The following CHFR variants were observed in gnomAD, a reference collection of about 807,000 sequenced individuals.
CHFR encodes the protein checkpoint with forkhead and ring finger domains.
CHFR carries 57 observed loss-of-function variants against 87.6 expected under a neutral mutation model. That is an observed-to-expected ratio of 0.65 (90% CI 0.53 to 0.81). The LOEUF is 0.81. Ranked by LOEUF, CHFR falls within the 30% of genes least tolerant of loss-of-function variation. CHFR has a pLI of 0.00. For synonymous variants in CHFR, 381 were observed against 359.2 expected (o/e 1.06, Z -0.69); for missense variants, 797 against 865.8 (o/e 0.92, Z 1.00).
At position 132,836,635 on chromosome 12, in the gene CHFR, C is replaced by G; in HGVS notation, c.*4919G>C. On this transcript the variant is annotated 3_prime_UTR_variant, in exon 18 of 18. Coordinates refer to ENST00000450056, the MANE Select transcript of CHFR (RefSeq NM_001161346.2). ...TTCAACATTCTCTCCTGAGTCCATT[C>G]CTTCCACAGACATGCACGACCAAGT... 1 of 456,096 alleles carries G rather than the reference C, an allele frequency of 2.2e-6. No individual in the cohort carries two copies. The highest frequency in any genetic ancestry group is 4.4e-6 in the Non-Finnish European group (1 of 226,802). 28.3% of individuals were successfully genotyped at this position (456,096 alleles called of 1,614,324 possible).
At chr12:132,885,248 A>C (rs1269071874) in intron 2 of CHFR, among the ~76,000 whole-genome samples, 3 of 150,740 alleles carry the variant, frequency 2.0e-5, no homozygotes, top group African/African-American at 7.3e-5. Context: ...TCTCTACTAA[A>C]AATACAAAAT....
Position 132,834,126 on chromosome 12 carries a change from T to C in CHFR, c.*7428A>G, listed in dbSNP as rs1950631546. On this transcript the variant is annotated 3_prime_UTR_variant, in exon 18 of 18. Coordinates refer to ENST00000450056, the MANE Select transcript of CHFR (RefSeq NM_001161346.2). ...GGGAGGCCATGCCATCTTCTGACAG[T>C]GGAGAGGGCAGGTCTGCCGGGCGTA... 1 of 152,206 alleles carries C rather than the reference T, an allele frequency of 6.6e-6. No individual in the cohort carries two copies. The highest frequency in any genetic ancestry group is 1.5e-5 in the Non-Finnish European group (1 of 68,138). 9.4% of individuals were successfully genotyped at this position (152,206 alleles called of 1,614,324 possible).
rs181025214 is a variant in CHFR at position 132,851,513 on chromosome 12, C to T, written c.1492+105G>A. 1.2e-5 allele frequency: 15 copies of T among 1,287,486 alleles called. No homozygotes were observed. The East Asian group carries it at 1.3e-4, about 11-fold the overall frequency. The allele number at this position is 1,287,486 out of a possible 1,614,324, so 79.8% of individuals were successfully genotyped here. ...GATCACACTGATGGAAAAAAAGAAACGGCATCCTTACTTCACAGGTTACCC... is the reference window on the plus strand; with the variant it reads ...GATCACACTGATGGAAAAAAAGAAATGGCATCCTTACTTCACAGGTTACCC... On this transcript the variant is annotated intron_variant, in intron 12 of 17. Transcript: ENST00000450056.
At chr12:132,877,444 C>G (rs567841166) in intron 3 of CHFR, 111 bp downstream of exon 3, 1 of 620,594 alleles carries the variant, frequency 1.6e-6, no homozygotes, top group African/African-American at 1.9e-5. Flanking sequence ...TGTTATCACA[C>G]TAAAGACAGC....
chr12:132,843,047 C>T lies in CHFR; in HGVS notation c.1880G>A (p.Arg627His). 2 of 1,613,386 alleles carry T rather than the reference C, an allele frequency of 1.2e-6. No individual in the cohort carries two copies. The highest frequency in any genetic ancestry group is 1.7e-6 in the Non-Finnish European group (2 of 1,179,778). ...AGCTTTCACCTGAGTGCGGCAGTTA[C>T]GGCCCCAGTAGCAGTCAGGACGGGA... ...VTSRPDCYWG[R>H]NCRTQVKAHH... Residue 627 changes from arginine (R) to histidine (H), a missense_variant, in exon 17 of 18, where the codon CGT (arginine) becomes CAT (histidine). Arg to His is a conservative substitution (Grantham distance 29). Around this residue, in one of 2 missense-constraint regions of CHFR, gnomAD observed 200 missense variants for 264.6 expected, o/e 0.76. Transcript: ENST00000450056.
Position 132,837,369 on chromosome 12 carries a change from C to T in CHFR, c.*4185G>A, listed in dbSNP as rs1002656712. 4 of 158,368 alleles carry T rather than the reference C, an allele frequency of 2.5e-5. No homozygotes were observed. Among genetic ancestry groups the T allele is most frequent in the Non-Finnish European group, 5.6e-5 (4 of 71,694 alleles). The allele number at this position is 158,368 out of a possible 1,614,324, so 9.8% of individuals were successfully genotyped here. On this transcript the variant is annotated 3_prime_UTR_variant, in exon 18 of 18. Coordinates refer to ENST00000450056, the MANE Select transcript of CHFR (RefSeq NM_001161346.2). ...AAACAAAAGCAAAATTAAAAACCAC[C>T]CTGATTTGAAGCATTTACCAATTTC... is the stretch of plus-strand genomic sequence containing the variant.
chr12:132,868,750 G>A (rs1340290969), intron 6 of CHFR, among the ~76,000 whole-genome samples: 2 of 150,544 alleles, frequency 1.3e-5, no homozygotes, highest in African/African-American at 4.9e-5. Context: ...TCCAGAGGCC[G>A]AAAGCACACG....
At position 132,851,654 on chromosome 12, in the gene CHFR, C is replaced by G; in HGVS notation, c.1456G>C (p.Glu486Gln). 1 of 1,613,048 alleles carries G rather than the reference C, an allele frequency of 6.2e-7. No homozygotes were observed. The highest frequency in any genetic ancestry group is 1.3e-5 in the African/African-American group (1 of 75,058). ...CFQPMPDRRAEREQDPRVAPQ... is the reference protein window; with the variant it reads ...CFQPMPDRRAQREQDPRVAPQ... ...GCGACACGCGGGTCCTGCTCGCGCT[C>G]CGCTCTCCGGTCGGGCATGGGCTGG... Residue 486 changes from glutamate to glutamine, a missense_variant, in exon 12 of 18, where the codon GAG (glutamate) becomes CAG (glutamine). This residue lies in a region of CHFR where 200 missense variants were observed against 264.6 expected (regional missense o/e 0.76). Coordinates refer to ENST00000450056, the MANE Select transcript of CHFR (RefSeq NM_001161346.2).
chr12:132,864,774 C>T (rs1161392506), intron 6 of CHFR, among the ~76,000 whole-genome samples: 1 of 152,216 alleles, frequency 6.6e-6, no homozygotes, highest in Admixed American at 6.5e-5. Flanking sequence ...AGGCGTAAGC[C>T]ACCACACCCG....
At chr12:132,886,360 G>C (rs575648025) in intron 2 of CHFR, among the ~76,000 whole-genome samples, 2 of 91,400 alleles carry the variant, frequency 2.2e-5, no homozygotes, top group African/African-American at 7.0e-5. Context: ...CACATTATAA[G>C]GGGTGAAATT....
At chr12:132,871,073 C>T (rs1029674700) in intron 4 of CHFR, among the ~76,000 whole-genome samples, 30 of 152,218 alleles carry the variant, frequency 2.0e-4, no homozygotes, top group Admixed American at 8.5e-4. Flanking sequence ...AAGATCCTTC[C>T]GTGTGGCCAG....
At chr12:132,885,294 C>G (rs1951862047) in intron 2 of CHFR, among the ~76,000 whole-genome samples, 1 of 150,722 alleles carries the variant, frequency 6.6e-6, no homozygotes, top group South Asian at 2.1e-4. Context: ...GCCTGTAGTC[C>G]CAGCTACTCG....
chr12:132,865,107 CTG>C (rs1212530564), intron 6 of CHFR, among the ~76,000 whole-genome samples: 1 of 152,222 alleles, frequency 6.6e-6, no homozygotes, highest in African/African-American at 2.4e-5. Flanking sequence ...ACCCCGCGTC[CTG>C]TCTGTGCTTG....
chr12:132,869,227 G>C (rs1049311337), intron 6 of CHFR, among the ~76,000 whole-genome samples: 5 of 146,978 alleles, frequency 3.4e-5, no homozygotes, highest in Non-Finnish European at 6.0e-5. Context: ...CATGGGGAGT[G>C]ACTGCTGGTG....
At chr12:132,884,059 G>A (rs1019252089) in intron 2 of CHFR, among the ~76,000 whole-genome samples, 6 of 152,212 alleles carry the variant, frequency 3.9e-5, no homozygotes, top group African/African-American at 1.4e-4. Context: ...GATGCAGGTT[G>A]TAGTGAGTGA....
At chr12:132,851,855 A>G in intron 11 of CHFR, 118 bp from the exon 12 acceptor site, 2 of 1,267,604 alleles carry the variant, frequency 1.6e-6, no homozygotes, top group Non-Finnish European at 2.1e-6. Context: ...CCGGGGAAGA[A>G]GCAGACCTGC....
rs771703202 is a variant in CHFR at position 132,836,726 on chromosome 12, C to T, written c.*4828G>A. 4.4e-6 allele frequency: 2 copies of T among 456,064 alleles called. No homozygotes were observed. Among genetic ancestry groups the T allele is most frequent in the East Asian group, 6.9e-5 (1 of 14,392 alleles). The allele number at this position is 456,064 out of a possible 1,614,324, so 28.3% of individuals were successfully genotyped here. A position where few individuals can be genotyped will look rare whatever the true frequency, so the allele number is the denominator to read the frequency against. The stretch of plus-strand genomic sequence containing the variant: ...ACTCACCGCCTCAGAAGGAGACAAC[C>T]GTGAAAAGTGAGCGACAGAGGAAGG... On this transcript the variant is annotated 3_prime_UTR_variant, in exon 18 of 18. Coordinates refer to ENST00000450056, the MANE Select transcript of CHFR (RefSeq NM_001161346.2).
chr12:132,862,504 T>C (rs1951235541), intron 6 of CHFR: 1 of 410,108 alleles, frequency 2.4e-6, no homozygotes, highest in Non-Finnish European at 4.8e-6. Flanking sequence ...CTCAGGAGGC[T>C]GAGGTGAGTG....
rs1336309071 is a variant in CHFR at position 132,840,849 on chromosome 12, C to CAGAAGGGAATGCA, written c.*704_*705insTGCATTCCCTTCT. On this transcript the variant is annotated 3_prime_UTR_variant, in exon 18 of 18. Coordinates refer to ENST00000450056, the MANE Select transcript of CHFR (RefSeq NM_001161346.2). ...CCAGGCTCGGGGCCGCGGTCACTCACCGGTTAGCAAGGAGCGACTAACTTG... is the reference window on the plus strand; with the variant it reads ...CCAGGCTCGGGGCCGCGGTCACTCACAGAAGGGAATGCACGGTTAGCAAGGAGCGACTAACTTG... The CAGAAGGGAATGCA allele has an allele frequency of 6.6e-6, 1 of 152,138 alleles. No individual in the cohort carries two copies. Among genetic ancestry groups the CAGAAGGGAATGCA allele is most frequent in the Non-Finnish European group, 1.5e-5 (1 of 67,940 alleles). 9.4% of individuals were successfully genotyped at this position (152,138 alleles called of 1,614,324 possible). A position where few individuals can be genotyped will look rare whatever the true frequency, so the allele number is the denominator to read the frequency against.
Sources: gnomAD v4.1 joint callset for allele counts (sites outside exome capture counted in the v4.1 genomes callset) on GRCh38, gnomAD v4.1.1 for gene constraint, gnomAD v4.1.1 regional missense constraint, MANE v1.5 for transcripts, NCBI Gene and HGNC (gene_info 2026-07-23, HGNC 2026-07-21) for gene names.